The following EYS variants were observed in gnomAD, a reference collection of about 807,000 sequenced individuals.
EYS encodes EGF-like photoreceptor maintenance factor.
Under a neutral mutation model 282.1 loss-of-function variants are expected in EYS, and 250 were observed. That is an observed-to-expected ratio of 0.89 (90% CI 0.80 to 0.98). EYS has a LOEUF of 0.98. Among genes scored for constraint, EYS ranks in the 50% least tolerant of loss-of-function variants. The probability of loss-of-function intolerance (pLI) is 0.00; values close to 1 mark genes in which losing one functional copy is unlikely to be tolerated. For synonymous variants in EYS, 1,355 were observed against 1,282.9 expected (o/e 1.06, Z -1.20); for missense variants, 4,016 against 3,709.0 (o/e 1.08, Z -2.15).
intron 26 of EYS, among the ~76,000 whole-genome samples, chr6:64,463,382 C>T (rs1166013716): frequency 6.6e-6 from 1 of 152,174 alleles, no homozygotes; most frequent in Non-Finnish European, 1.5e-5. Context: ...AGTCAGCTAT[C>T]CTTCTAGGGA....
At chr6:65,505,558 C>T (rs1166843906) in intron 2 of EYS, among the ~76,000 whole-genome samples, 1 of 151,934 alleles carries the variant, frequency 6.6e-6, no homozygotes, top group Non-Finnish European at 1.5e-5. Flanking sequence ...CTGTGCACTG[C>T]TTTTTCTGGA....
chr6:64,180,086 G>A (rs946609765), intron 31 of EYS, among the ~76,000 whole-genome samples: 1 of 152,134 alleles, frequency 6.6e-6, no homozygotes, highest in Non-Finnish European at 1.5e-5. Flanking sequence ...ATCTAAAGCA[G>A]TTCAAGGTTT....
At chr6:64,048,051 G>T (rs576228405) in intron 33 of EYS, among the ~76,000 whole-genome samples, 73 of 152,216 alleles carry the variant, frequency 4.8e-4, no homozygotes, top group African/African-American at 1.8e-3. Context: ...GATTGCAGAT[G>T]CATGCCATCA....
intron 8 of EYS, among the ~76,000 whole-genome samples, chr6:65,377,344 G>A (rs1047046419): frequency 2.0e-5 from 3 of 151,708 alleles, no homozygotes; most frequent in Non-Finnish European, 4.4e-5. Context: ...AACAGACAAC[G>A]TACCAGAATC....
intron 26 of EYS, among the ~76,000 whole-genome samples, chr6:64,586,019 T>C (rs990387751): frequency 4.6e-5 from 7 of 152,128 alleles, no homozygotes; most frequent in African/African-American, 1.7e-4. Flanking sequence ...TTTGAACTTT[T>C]TGTTGCTTAA....
At chr6:63,798,588 A>G (rs1363289198) in intron 37 of EYS, among the ~76,000 whole-genome samples, 1 of 152,190 alleles carries the variant, frequency 6.6e-6, no homozygotes, top group African/African-American at 2.4e-5. Context: ...CTCATTCATC[A>G]GGCATCTTCC....
intron 33 of EYS, among the ~76,000 whole-genome samples, chr6:64,021,651 C>T (rs1161058213): frequency 6.6e-6 from 1 of 152,088 alleles, no homozygotes; most frequent in African/African-American, 2.4e-5. Context: ...TATGTTGTAA[C>T]ATTTTTCTAT....
At chr6:65,536,425 G>T (rs1767966490) in intron 2 of EYS, among the ~76,000 whole-genome samples, 1 of 151,888 alleles carries the variant, frequency 6.6e-6, no homozygotes, top group South Asian at 2.1e-4. Context: ...AATGGTACTG[G>T]GGAGACTAAT....
chr6:63,994,247 C>T (rs751752434), intron 34 of EYS, among the ~76,000 whole-genome samples: 8 of 151,894 alleles, frequency 5.3e-5, no homozygotes, highest in Non-Finnish European at 1.0e-4. Flanking sequence ...TTAATTTACA[C>T]TATATAATTA....
chr6:65,395,697 C>T (rs1305567662), intron 7 of EYS, among the ~76,000 whole-genome samples: 5 of 152,110 alleles, frequency 3.3e-5, no homozygotes, highest in Non-Finnish European at 7.4e-5. Context: ...ATGAGATACA[C>T]GTGATGTTTT....
chr6:64,656,626 A>C (rs1325216607), intron 22 of EYS, among the ~76,000 whole-genome samples: 1 of 152,186 alleles, frequency 6.6e-6, no homozygotes, highest in African/African-American at 2.4e-5. Flanking sequence ...GGAAACTCTG[A>C]TCAACCGTAA....
rs562689504 is a variant in EYS at position 63,780,714 on chromosome 6, T to G, written c.7724-2534A>C. On this transcript the variant is annotated intron_variant, in intron 39 of 42. Transcript: ENST00000503581. ...TCTGTAGGTTGCCTGTTCACTCTGA[T>G]GGTAGTTTCTTTTGCTGTGCAGAAG... Among the ~76,000 whole-genome samples the G allele has an allele frequency of 5.8e-3, 889 of 152,338 alleles. 11 individuals are homozygous for G. The highest frequency in any genetic ancestry group is 0.02 in the African/African-American group (846 of 41,562).
At chr6:65,543,621 C>T (rs998954774) in intron 2 of EYS, among the ~76,000 whole-genome samples, 2 of 151,926 alleles carry the variant, frequency 1.3e-5, no homozygotes, top group African/African-American at 4.8e-5. Context: ...TTTGTAATCA[C>T]TTCAATCTTT....
chr6:64,109,784 T>A (rs1773147750), intron 31 of EYS, among the ~76,000 whole-genome samples: 1 of 152,120 alleles, frequency 6.6e-6, no homozygotes, highest in African/African-American at 2.4e-5. Flanking sequence ...GTAGCCCATA[T>A]GACAGCACAG....
chr6:64,699,854 T>C (rs980669813), intron 22 of EYS, among the ~76,000 whole-genome samples: 1 of 151,942 alleles, frequency 6.6e-6, no homozygotes, highest in South Asian at 2.1e-4. Flanking sequence ...ACAAACCCAG[T>C]ATTTTGATGT....
intron 22 of EYS, among the ~76,000 whole-genome samples, chr6:64,701,461 CA>C (rs1389309436): frequency 6.6e-6 from 1 of 151,762 alleles, no homozygotes; most frequent in Non-Finnish European, 1.5e-5. Context: ...CAGAATCTAC[CA>C]AAAGGAAAAA....
intron 30 of EYS, among the ~76,000 whole-genome samples, chr6:64,239,326 C>T (rs901940159): frequency 2.6e-5 from 4 of 152,154 alleles, no homozygotes; most frequent in Non-Finnish European, 5.9e-5. Flanking sequence ...GAGGAATCAC[C>T]ACACTGTCTT....
At chr6:65,477,678 T>A (rs1467460131) in intron 5 of EYS, among the ~76,000 whole-genome samples, 1 of 152,190 alleles carries the variant, frequency 6.6e-6, no homozygotes, top group African/African-American at 2.4e-5. Flanking sequence ...AAAGCAATCA[T>A]GTAATTTTCA....
intron 1 of EYS, among the ~76,000 whole-genome samples, chr6:65,689,628 A>T (rs1044277873): frequency 2.7e-5 from 4 of 150,430 alleles, no homozygotes; most frequent in African/African-American, 9.7e-5. Flanking sequence ...TATGTTTAAT[A>T]ATAACATAAG....
Sources: gnomAD v4.1 joint callset for allele counts (sites outside exome capture counted in the v4.1 genomes callset) on GRCh38, gnomAD v4.1.1 for gene constraint, MANE v1.5 for transcripts, NCBI Gene and HGNC (gene_info 2026-07-23, HGNC 2026-07-21) for gene names.